Variants in BCAS3 observed in about 807,000 individuals in gnomAD.
The protein encoded by BCAS3 is BCAS4/BCAS3 fusion.
BCAS3 carries 53 observed loss-of-function variants against 116.1 expected under a neutral mutation model. The observed-to-expected ratio is 0.46, with a 90% CI of 0.37 to 0.57. The LOEUF (loss-of-function observed/expected upper bound fraction) is 0.57. BCAS3 is among the 20% of genes least tolerant of loss of function. BCAS3 has a pLI of 0.00. For missense variants in BCAS3, 917 were observed against 1,165.4 expected, an observed-to-expected ratio of 0.79 and a Z score of 3.10; for synonymous variants, 391 against 408.2, an observed-to-expected ratio of 0.96 and a Z score of 0.51.
chr17:60,963,401 C>A (rs568987601), intron 14 of BCAS3, among the ~76,000 whole-genome samples: 104 of 151,674 alleles, frequency 6.9e-4, no homozygotes, highest in African/African-American at 2.2e-3. Flanking sequence ...TCTTCAATTT[C>A]TTTCATATTT....
chr17:61,303,758 G>A (rs901987817), intron 22 of BCAS3, among the ~76,000 whole-genome samples: 1 of 152,142 alleles, frequency 6.6e-6, no homozygotes, highest in Non-Finnish European at 1.5e-5. Context: ...TTACCGTGCT[G>A]TACTGTGGTT....
chr17:60,702,099 TAAC>T (rs2143945735), intron 4 of BCAS3, among the ~76,000 whole-genome samples: 1 of 152,304 alleles, frequency 6.6e-6, no homozygotes, highest in African/African-American at 2.4e-5. Flanking sequence ...CACACACACT[TAAC>T]AGACAGTACA....
rs1166445016 is a variant in BCAS3 at position 61,118,850 on chromosome 17, AGATATT to A, written c.2425+34288_2425+34293del. Among the ~76,000 whole-genome samples the A allele has an allele frequency of 6.6e-6, 1 of 152,084 alleles. No homozygotes were observed. Among genetic ancestry groups the A allele is most frequent in the East Asian group, 1.9e-4 (1 of 5,190 alleles). On this transcript the variant is annotated intron_variant, in intron 22 of 23. Coordinates refer to ENST00000407086, the MANE Select transcript of BCAS3 (RefSeq NM_017679.5). The surrounding 1 kb of genome is among the most constrained non-coding windows in gnomAD (Gnocchi z 5.0). ...GGATTCTGGTGCTGATATTTGAAATAGATATTGTTTTTTGCCTAATCTGGTTTTTTT... is the reference window on the plus strand; with the variant it reads ...GGATTCTGGTGCTGATATTTGAAATAGTTTTTTGCCTAATCTGGTTTTTTT...
intron 22 of BCAS3, among the ~76,000 whole-genome samples, chr17:61,164,575 A>C (rs565774967): frequency 6.6e-6 from 1 of 152,264 alleles, no homozygotes; most frequent in South Asian, 2.1e-4. Flanking sequence ...TAGTTATTGC[A>C]GGAGTGGGCT....
At chr17:60,691,220 A>G (rs1272145206) in intron 4 of BCAS3, among the ~76,000 whole-genome samples, 2 of 152,172 alleles carry the variant, frequency 1.3e-5, no homozygotes, top group Non-Finnish European at 2.9e-5. Flanking sequence ...GGTGTGAGCC[A>G]CTGCGCCCAG....
Position 61,388,916 on chromosome 17 carries a change from G to A in BCAS3, c.2594-3061G>A, listed in dbSNP as rs2059989604. On this transcript the variant is annotated intron_variant, in intron 23 of 23. Coordinates refer to ENST00000407086, the MANE Select transcript of BCAS3 (RefSeq NM_017679.5). The surrounding 1 kb of genome is among the most constrained non-coding windows in gnomAD (Gnocchi z 6.5). ...GGCCAGCAGGCCCCCGATTCTTTCA[G>A]TTAGTCTGTGTTGAAGAATGGGCCC... is the stretch of plus-strand genomic sequence containing the variant. 4 of 562,530 alleles carry A rather than the reference G, an allele frequency of 7.1e-6. No homozygotes were observed. The South Asian group carries it at 9.1e-5, about 13-fold the overall frequency. 34.8% of individuals were successfully genotyped at this position (562,530 alleles called of 1,614,324 possible).
intron 8 of BCAS3, among the ~76,000 whole-genome samples, chr17:60,869,566 TAAA>T (rs2054918243): frequency 6.6e-6 from 1 of 152,060 alleles, no homozygotes; most frequent in Non-Finnish European, 1.5e-5. Context: ...AAGACATACT[TAAA>T]AAATACAAAT....
At chr17:60,865,721 C>G (rs2054540326) in intron 7 of BCAS3, among the ~76,000 whole-genome samples, 1 of 152,122 alleles carries the variant, frequency 6.6e-6, no homozygotes. Context: ...GGTTTTATTT[C>G]TACCTTGACA....
intron 14 of BCAS3, among the ~76,000 whole-genome samples, chr17:60,959,159 T>G (rs1567967454): frequency 6.6e-6 from 1 of 151,878 alleles, no homozygotes; most frequent in Non-Finnish European, 1.5e-5. Context: ...AAAAAAAAGT[T>G]AGCCAGGCCT....
In BCAS3 at chr17:61,143,177, C is replaced by T. The variant is rs193020945; in HGVS notation, c.2425+58613C>T. On this transcript the variant is annotated intron_variant, in intron 22 of 23. Coordinates refer to ENST00000407086, the MANE Select transcript of BCAS3 (RefSeq NM_017679.5). ...TTGAACTCAACTTGCTTGCATTGTT[C>T]TTGTTAGTAAAAAACATTGCTAGGA... Among the ~76,000 whole-genome samples the T allele has an allele frequency of 4.5e-3, 687 of 152,198 alleles. 5 individuals carry two copies. Among genetic ancestry groups the T allele is most frequent in the Non-Finnish European group, 7.3e-3 (497 of 67,998 alleles).
rs1303519611 is a variant in BCAS3, at chr17:61,082,054, A to G, written c.2328-2413A>G. On this transcript the variant is annotated intron_variant, in intron 21 of 23. Transcript: ENST00000407086. The surrounding 1 kb of genome is among the most constrained non-coding windows in gnomAD (Gnocchi z 5.1). The stretch of plus-strand genomic sequence containing the variant: ...AGGCATAGTGTTGACTCTCATCCAT[A>G]AGGGAATCAGGCAAGCTCCCTACAC... 1.3e-5 allele frequency among the ~76,000 whole-genome samples: 2 copies of G among 152,088 alleles called. No homozygotes were observed. Among genetic ancestry groups the G allele is most frequent in the Non-Finnish European group, 2.9e-5 (2 of 68,012 alleles).
rs2061706793 is a variant in BCAS3, at chr17:60,967,202, T to C, written c.1221+19850T>C. ...AGTTTTCTTGGTTCAGATTGAATTA[T>C]TCTCGTTAGCATTTCTTGTTAGGTG... is the stretch of plus-strand genomic sequence containing the variant. On this transcript the variant is annotated intron_variant, in intron 14 of 23. Transcript: ENST00000407086. The surrounding 1 kb of genome is among the most constrained non-coding windows in gnomAD (Gnocchi z 4.7). Among the ~76,000 whole-genome samples the C allele has an allele frequency of 6.6e-6, 1 of 152,230 alleles. No homozygotes were observed.
At position 61,124,492 on chromosome 17, in the gene BCAS3, C is replaced by T. The variant is rs1224555837; in HGVS notation, c.2425+39928C>T. Among the ~76,000 whole-genome samples the T allele has an allele frequency of 1.3e-5, 2 of 152,102 alleles. No individual in the cohort carries two copies. Among genetic ancestry groups the T allele is most frequent in the Non-Finnish European group, 2.9e-5 (2 of 68,014 alleles). On this transcript the variant is annotated intron_variant, in intron 22 of 23. Transcript: ENST00000407086. The surrounding 1 kb of genome is among the most constrained non-coding windows in gnomAD (Gnocchi z 4.6). ...AGAGATCCATAGAAGTATTGGCATT[C>T]TTGTACCAGTTATTCATATTTCACT...
intron 22 of BCAS3, among the ~76,000 whole-genome samples, chr17:61,184,126 G>A (rs938218764): frequency 1.9e-4 from 29 of 152,238 alleles, no homozygotes; most frequent in African/African-American, 6.0e-4. Context: ...GGAAAATGTC[G>A]TGACCAGGGT....
chr17:60,995,961 G>A lies in BCAS3; in HGVS notation c.1486+5726G>A, dbSNP rs2063810578. The stretch of plus-strand genomic sequence containing the variant: ...ATGATGACATCTGAGCAAAGATCTG[G>A]TGGAAGTAAGAGAGAAATTCATATA... On this transcript the variant is annotated intron_variant, in intron 15 of 23. Transcript: ENST00000407086. This position sits in a 1 kb window ranked among gnomAD's most constrained non-coding sequence, Gnocchi z 4.7. 6.6e-6 allele frequency among the ~76,000 whole-genome samples: 1 copy of A among 152,168 alleles called. No homozygotes were observed. The highest frequency in any genetic ancestry group is 2.4e-5 in the African/African-American group (1 of 41,450).
At chr17:61,310,532 C>T (rs1244081840) in intron 22 of BCAS3, among the ~76,000 whole-genome samples, 4 of 144,306 alleles carry the variant, frequency 2.8e-5, no homozygotes, top group African/African-American at 7.9e-5. Flanking sequence ...CTAGCCTGGG[C>T]GACAGAGTGA....
intron 7 of BCAS3, among the ~76,000 whole-genome samples, chr17:60,856,867 T>G (rs2053723273): frequency 6.6e-6 from 1 of 152,206 alleles, no homozygotes; most frequent in Non-Finnish European, 1.5e-5. Context: ...AAGAAGCATT[T>G]TTTGAAATTT....
At chr17:60,788,235 A>T (rs2046452377) in intron 6 of BCAS3, among the ~76,000 whole-genome samples, 2 of 152,196 alleles carry the variant, frequency 1.3e-5, no homozygotes, top group African/African-American at 4.8e-5. Flanking sequence ...AGTAAGGGTA[A>T]CAGAAAAGAA....
intron 22 of BCAS3, among the ~76,000 whole-genome samples, chr17:61,190,814 G>T (rs1347341312): frequency 2.0e-5 from 3 of 152,002 alleles, no homozygotes; most frequent in Non-Finnish European, 4.4e-5. Context: ...TGTTGGTCAG[G>T]CTGGTCTCGA....
Sources: gnomAD v4.1 joint callset for allele counts (sites outside exome capture counted in the v4.1 genomes callset) on GRCh38, gnomAD v4.1.1 for gene constraint, Gnocchi (gnomAD v3.1) non-coding constraint, MANE v1.5 for transcripts, NCBI Gene and HGNC (gene_info 2026-07-23, HGNC 2026-07-21) for gene names.